Variants in CDCP1 observed in about 807,000 individuals in gnomAD.
CDCP1 encodes the protein CUB domain-containing protein 1.
CDCP1 carries 29 observed loss-of-function variants against 60.2 expected under a neutral mutation model. The observed-to-expected ratio is 0.48, with a 90% confidence interval of 0.36 to 0.66. The LOEUF (loss-of-function observed/expected upper bound fraction) is 0.66. Among genes scored for constraint, CDCP1 ranks in the 30% least tolerant of loss-of-function variants. The pLI, the probability that CDCP1 is intolerant of heterozygous loss-of-function variation, is 0.00. For synonymous variants in CDCP1, 387 were observed against 431.1 expected (o/e 0.90, Z 1.27); for missense variants, 876 against 1,074.3 (o/e 0.82, Z 2.58).
At position 45,089,076 on chromosome 3, in the gene CDCP1, T is replaced by A. The variant is rs373586286; in HGVS notation, c.2059A>T (p.Ile687Phe). The A allele has an allele frequency of 5.0e-6, 8 of 1,614,048 alleles. No homozygotes were observed. In the African/African-American group the frequency reaches 6.7e-5, roughly 13 times the overall value. The change falls in exon 8 of 9, where the codon ATC becomes TTC. Residue 687 changes from isoleucine to phenylalanine, a missense_variant. Around this residue, in one of 2 missense-constraint regions of CDCP1, gnomAD observed 726 missense variants for 935.7 expected, o/e 0.78. Transcript: ENST00000296129. ...GVLLLSALGL[I>F]ICCVKKKKKK... is the part of the protein sequence containing the mutation. The stretch of plus-strand genomic sequence containing the variant: ...TACTTCTTTTTCACACAGCAAATGA[T>A]GAGCCCGAGGGCAGACAGCAGTAAG...
In CDCP1 at chr3:45,088,985, C is replaced by A. The variant is rs758201236; in HGVS notation, c.2081+69G>T. The A allele has an allele frequency of 2.9e-5, 36 of 1,238,294 alleles. No individual in the cohort carries two copies. The Admixed American group carries it at 5.4e-4, about 18-fold the overall frequency. 76.7% of individuals were successfully genotyped at this position (1,238,294 alleles called of 1,614,324 possible). A position where few individuals can be genotyped will look rare whatever the true frequency, so the allele number is the denominator to read the frequency against. On this transcript the variant is annotated intron_variant, in intron 8 of 8. Coordinates refer to ENST00000296129, the MANE Select transcript of CDCP1 (RefSeq NM_022842.5). ...GCAAGAAAACAAAGTCAATAATGAA[C>A]AATCCACCCAGTCTGTGTGATCTGA... is the stretch of plus-strand genomic sequence containing the variant.
chr3:45,117,243 G>A (rs1000366222), intron 2 of CDCP1, among the ~76,000 whole-genome samples: 1 of 152,042 alleles, frequency 6.6e-6, no homozygotes, highest in African/African-American at 2.4e-5. Context: ...ATAAATGCAT[G>A]TTTCCCTACC....
intron 1 of CDCP1, among the ~76,000 whole-genome samples, chr3:45,131,533 A>G (rs1445590302): frequency 1.3e-5 from 2 of 152,202 alleles, no homozygotes; most frequent in African/African-American, 4.8e-5. Flanking sequence ...GTGGAATCAG[A>G]CAGTACTTGT....
At position 45,091,064 on chromosome 3, in the gene CDCP1, A is replaced by G. The variant is rs887263659; in HGVS notation, c.1993+109T>C. ...GATGCAATAGCTGACTGATACATGG[A>G]CAGTCAGGACTCAATCTGTGATTCT... On this transcript the variant is annotated intron_variant, in intron 7 of 8. Coordinates refer to ENST00000296129, the MANE Select transcript of CDCP1 (RefSeq NM_022842.5). The surrounding 1 kb of genome is among the most constrained non-coding windows in gnomAD (Gnocchi z 4.8). 1 of 1,202,652 alleles carries G rather than the reference A, an allele frequency of 8.3e-7. No individual in the cohort carries two copies. Among genetic ancestry groups the G allele is most frequent in the Non-Finnish European group, 1.2e-6 (1 of 855,740 alleles). The allele number at this position is 1,202,652 out of a possible 1,614,324, so 74.5% of individuals were successfully genotyped here. A position where few individuals can be genotyped will look rare whatever the true frequency, so the allele number is the denominator to read the frequency against.
chr3:45,111,940 T>A, intron 3 of CDCP1, 143 bp downstream of exon 3: 1 of 1,060,234 alleles, frequency 9.4e-7, no homozygotes, highest in South Asian at 1.7e-5. Context: ...ATGACCCATG[T>A]CACTTATAAG....
chr3:45,130,145 A>C, intron 1 of CDCP1, among the ~76,000 whole-genome samples: 1 of 150,142 alleles, frequency 6.7e-6, no homozygotes, highest in African/African-American at 2.5e-5. Context: ...TTTTTGAGAC[A>C]CAGTCTCATT....
intron 1 of CDCP1, among the ~76,000 whole-genome samples, chr3:45,135,239 A>G (rs1380723127): frequency 1.3e-5 from 2 of 152,150 alleles, no homozygotes; most frequent in Admixed American, 6.5e-5. Flanking sequence ...TGAGGCACCA[A>G]GAATTCTGAG....
chr3:45,095,692 TTG>T, intron 4 of CDCP1, 124 bp from the exon 5 acceptor site: 1 of 709,586 alleles, frequency 1.4e-6, no homozygotes, highest in South Asian at 1.8e-5. Context: ...ATGGATAATG[TTG>T]GGAAAACGTA....
At chr3:45,127,242 T>C (rs1460105928) in intron 1 of CDCP1, among the ~76,000 whole-genome samples, 3 of 152,230 alleles carry the variant, frequency 2.0e-5, no homozygotes, top group Admixed American at 6.5e-5. Flanking sequence ...TTCCACAGAA[T>C]TTGAAATGTT....
intron 4 of CDCP1, among the ~76,000 whole-genome samples, chr3:45,105,946 A>C (rs1698557977): frequency 6.6e-6 from 1 of 152,190 alleles, no homozygotes; most frequent in Non-Finnish European, 1.5e-5. Context: ...CGTGGTTTGC[A>C]CACTGTGGGC....
intron 1 of CDCP1, among the ~76,000 whole-genome samples, chr3:45,119,424 C>T (rs1426026719): frequency 2.6e-5 from 4 of 152,116 alleles, no homozygotes; most frequent in African/African-American, 7.2e-5. Context: ...CTGACACTGC[C>T]CCTGCCCTAT....
chr3:45,144,851 T>G (rs61641127), intron 1 of CDCP1, among the ~76,000 whole-genome samples: 8,074 of 152,250 alleles, frequency 0.053, 719 homozygotes, highest in African/African-American at 0.18. Flanking sequence ...GAAATTATAG[T>G]AAATATTCAT....
intron 1 of CDCP1, among the ~76,000 whole-genome samples, chr3:45,126,114 CTT>C (rs1326852876): frequency 1.8e-4 from 18 of 102,818 alleles, no homozygotes; most frequent in Non-Finnish European, 3.8e-5. Flanking sequence ...CTCTCTCTTT[CTT>C]TCTTTCTTTC....
At chr3:45,098,550 C>CA (rs1290584068) in intron 4 of CDCP1, among the ~76,000 whole-genome samples, 1 of 151,986 alleles carries the variant, frequency 6.6e-6, no homozygotes, top group Admixed American at 6.6e-5. Flanking sequence ...ATTGGCTTCC[C>CA]ACTCAGGAAG....
intron 2 of CDCP1, among the ~76,000 whole-genome samples, chr3:45,113,455 T>C (rs1270466573): frequency 1.3e-5 from 2 of 152,212 alleles, no homozygotes; most frequent in Non-Finnish European, 2.9e-5. Context: ...AAGGTTTTGT[T>C]GTTTTGAGCA....
At chr3:45,120,659 G>A (rs1698866802) in intron 1 of CDCP1, among the ~76,000 whole-genome samples, 1 of 152,064 alleles carries the variant, frequency 6.6e-6, no homozygotes, top group Non-Finnish European at 1.5e-5. Flanking sequence ...TCCATTTTTG[G>A]GGCAAAACTT....
intron 1 of CDCP1, chr3:45,139,429 C>T (rs1699245213): frequency 6.6e-6 from 1 of 152,188 alleles, no homozygotes. Flanking sequence ...AGGCTGTCTC[C>T]AAAAAGCTGG....
rs771838335 is a variant in CDCP1 at position 45,095,474 on chromosome 3, G to A, written c.1119C>T (p.Gly373=). 25 of 1,614,106 alleles carry A rather than the reference G, an allele frequency of 1.5e-5. No individual in the cohort carries two copies. The highest frequency in any genetic ancestry group is 1.9e-5 in the Non-Finnish European group (22 of 1,180,044). The change falls in exon 5 of 9, where the codon GGC becomes GGT. Residue 373 remains glycine (G), a synonymous_variant. Coordinates refer to ENST00000296129, the MANE Select transcript of CDCP1 (RefSeq NM_022842.5). ...PVKQSRKFVP[G]CFVCLESRTC... ...TCCGAGATTCTAGACACACGAAACA[G>A]CCAGGGACAAACTTGCGGCTCTGTT...
At chr3:45,118,373 T>A (rs1698827916) in intron 2 of CDCP1, 39 bp downstream of exon 2, 3 of 1,457,250 alleles carry the variant, frequency 2.1e-6, no homozygotes, top group South Asian at 1.1e-5. Flanking sequence ...TAGAGACATT[T>A]AAAAGACATT....
Sources: allele counts gnomAD v4.1 joint callset (sites outside exome capture counted in the v4.1 genomes callset), GRCh38; gene constraint gnomAD v4.1.1; regional missense constraint gnomAD v4.1.1; non-coding constraint Gnocchi (gnomAD v3.1); transcripts MANE v1.5; gene names NCBI Gene and HGNC (gene_info 2026-07-23, HGNC 2026-07-21).